Variants in GABRA3 observed in about 807,000 individuals in gnomAD.
The protein encoded by GABRA3 is gamma-aminobutyric acid receptor subunit alpha-3.
A neutral mutation model predicts 30.1 loss-of-function variants in GABRA3; 10 were observed. The observed-to-expected ratio is 0.33, with a 90% CI of 0.20 to 0.56. The LOEUF is 0.56. GABRA3 is among the 20% of genes least tolerant of loss of function. GABRA3 has a pLI of 0.89. For synonymous variants in GABRA3, 151 were observed against 146.8 expected (o/e 1.03, Z -0.21); for missense variants, 233 against 392.0 (o/e 0.59, Z 3.42).
Position 152,167,079 on chromosome X carries a change from T to C in GABRA3, c.*1149A>G, listed in dbSNP as rs757559481. ...GTTGACTCAATATTGACTAGAGATA[T>C]TTATTTGTATGAATTTCCAATTCAC... On this transcript the variant is annotated 3_prime_UTR_variant, in exon 10 of 10. Coordinates refer to ENST00000370314, the MANE Select transcript of GABRA3 (RefSeq NM_000808.4). 2.7e-5 allele frequency: 3 copies of C among 112,116 alleles called. No individual in the cohort carries two copies. The highest frequency in any genetic ancestry group is 3.8e-5 in the Non-Finnish European group (2 of 53,283). 9.2% of individuals were successfully genotyped at this position (112,116 alleles called of 1,213,427 possible). A position where few individuals can be genotyped will look rare whatever the true frequency, so the allele number is the denominator to read the frequency against.
chrX:152,363,807 C>A (rs1308145915), intron 2 of GABRA3, among the ~76,000 whole-genome samples: 3 of 111,500 alleles, frequency 2.7e-5, no homozygotes, highest in African/African-American at 9.8e-5. Context: ...ATTTTTATTT[C>A]ATAATAAAAT....
intron 4 of GABRA3, among the ~76,000 whole-genome samples, chrX:152,281,949 T>G (rs944577634): frequency 1.2e-4 from 13 of 112,031 alleles, no homozygotes; most frequent in African/African-American, 4.2e-4. Context: ...ATTCTTGCAC[T>G]TAATAAAAAG....
At chrX:152,390,134 A>C (rs1201727045) in intron 1 of GABRA3, among the ~76,000 whole-genome samples, 1 of 111,931 alleles carries the variant, frequency 8.9e-6, no homozygotes. Context: ...ATCAGTTTTC[A>C]ACTTCTTTGC....
At chrX:152,248,069 T>C (rs17221034) in intron 5 of GABRA3, among the ~76,000 whole-genome samples, 3,018 of 111,100 alleles carry the variant, frequency 0.027, 48 homozygotes, top group Middle Eastern at 0.064. Context: ...CGTCTCTCAT[T>C]ATACTTGCCC....
chrX:152,415,578 T>C (rs920842680), intron 1 of GABRA3, among the ~76,000 whole-genome samples: 2 of 110,817 alleles, frequency 1.8e-5, no homozygotes, highest in Non-Finnish European at 3.8e-5. Flanking sequence ...TTATATTGCA[T>C]AGAACTATAG....
chrX:152,330,527 C>T (rs748565232), intron 3 of GABRA3, among the ~76,000 whole-genome samples: 5 of 111,400 alleles, frequency 4.5e-5, no homozygotes, highest in Non-Finnish European at 7.5e-5. Flanking sequence ...CCATAAAAAA[C>T]GATGCGTTCA....
At chrX:152,190,069 T>A in intron 8 of GABRA3, 128 bp from the exon 9 acceptor site, 1 of 466,424 alleles carries the variant, frequency 2.1e-6, no homozygotes, top group African/African-American at 2.5e-5. Context: ...TAAAATAAAA[T>A]AAAATTTTAA....
intron 1 of GABRA3, among the ~76,000 whole-genome samples, chrX:152,398,573 A>C (rs979117034): frequency 8.9e-6 from 1 of 111,774 alleles, no homozygotes; most frequent in Non-Finnish European, 1.9e-5. Flanking sequence ...TATAGAAAAA[A>C]AACTATTAGG....
At chrX:152,411,014 TA>T (rs777928425) in intron 1 of GABRA3, among the ~76,000 whole-genome samples, 31 of 111,531 alleles carry the variant, frequency 2.8e-4, no homozygotes, top group Non-Finnish European at 4.3e-4. Flanking sequence ...ATAGAAATTA[TA>T]AAAAGGAACG....
chrX:152,298,015 T>G (rs1939561268), intron 3 of GABRA3, among the ~76,000 whole-genome samples: 1 of 112,213 alleles, frequency 8.9e-6, no homozygotes, highest in Admixed American at 9.4e-5. Context: ...GTCCTTCAAC[T>G]GGAACAAGCT....
intron 4 of GABRA3, among the ~76,000 whole-genome samples, chrX:152,269,439 C>T (rs1938887378): frequency 9.0e-6 from 1 of 111,227 alleles, no homozygotes; most frequent in Non-Finnish European, 1.9e-5. Flanking sequence ...CAATGCAATC[C>T]CTACCAAAAA....
At chrX:152,239,515 T>C (rs1281975924) in intron 5 of GABRA3, among the ~76,000 whole-genome samples, 1 of 93,095 alleles carries the variant, frequency 1.1e-5, no homozygotes, top group Non-Finnish European at 2.1e-5. Flanking sequence ...TAGGTCCACT[T>C]GGTGCAGAGC....
Position 152,416,351 on chromosome X carries a change from C to A in GABRA3, c.-27+34795G>T, listed in dbSNP as rs1278332899. ...GACCTCTTCAAGGAGAACTACAAAC[C>A]ACTGCTCAAGGAAATAAAAGAGGAT... On this transcript the variant is annotated intron_variant, in intron 1 of 9. Transcript: ENST00000370314. 1.4e-4 allele frequency among the ~76,000 whole-genome samples: 13 copies of A among 94,169 alleles called. No individual in the cohort carries two copies. In the Admixed American group the frequency reaches 1.6e-3, roughly 11 times the overall value. 81.8% of individuals were successfully genotyped at this position (94,169 alleles called of 115,157 possible). A position where few individuals can be genotyped will look rare whatever the true frequency, so the allele number is the denominator to read the frequency against.
chrX:152,207,502 G>A (rs1162321445), intron 7 of GABRA3, among the ~76,000 whole-genome samples: 1 of 111,677 alleles, frequency 9.0e-6, no homozygotes, highest in Non-Finnish European at 1.9e-5. Flanking sequence ...TGCCAACCAA[G>A]CTTTTTTCTG....
At chrX:152,369,960 C>G (rs899154681) in intron 1 of GABRA3, among the ~76,000 whole-genome samples, 2 of 111,491 alleles carry the variant, frequency 1.8e-5, no homozygotes, top group African/African-American at 3.3e-5. Context: ...GCTTTGGAAC[C>G]TGCCAGACTG....
chrX:152,391,200 A>G (rs1293142850), intron 1 of GABRA3, among the ~76,000 whole-genome samples: 1 of 111,959 alleles, frequency 8.9e-6, no homozygotes, highest in Non-Finnish European at 1.9e-5. Context: ...TATTCATGAT[A>G]CAGATGATTC....
chrX:152,231,290 C>T (rs753197067), intron 5 of GABRA3, among the ~76,000 whole-genome samples: 2,569 of 103,105 alleles, frequency 0.025, 44 homozygotes, highest in Middle Eastern at 0.079. Flanking sequence ...TATACATATA[C>T]GTGTATATAT....
intron 1 of GABRA3, among the ~76,000 whole-genome samples, chrX:152,418,062 A>G (rs922053219): frequency 1.8e-5 from 2 of 111,255 alleles, no homozygotes; most frequent in African/African-American, 6.5e-5. Context: ...AAATGAAAAA[A>G]TAGATATTAT....
chrX:152,292,542 A>G (rs1033526156), intron 3 of GABRA3, among the ~76,000 whole-genome samples: 7 of 110,931 alleles, frequency 6.3e-5, no homozygotes, highest in Non-Finnish European at 1.3e-4. Context: ...TTGTGTCTCT[A>G]GCTCCTTCAG....
Sources: allele counts gnomAD v4.1 joint callset (sites outside exome capture counted in the v4.1 genomes callset), GRCh38; gene constraint gnomAD v4.1.1; transcripts MANE v1.5; gene names NCBI Gene and HGNC (gene_info 2026-07-23, HGNC 2026-07-21).